ST6GALNAC3: variants seen among roughly 807,000 people sequenced by gnomAD.
ST6GALNAC3 encodes alpha-N-acetylgalactosaminide alpha-2,6-sialyltransferase 3.
ST6GALNAC3 carries 25 observed loss-of-function variants against 32.7 expected under a neutral mutation model. That is an observed-to-expected ratio of 0.76 (90% CI 0.56 to 1.07). The LOEUF (loss-of-function observed/expected upper bound fraction) is 1.07. Among genes scored for constraint, ST6GALNAC3 ranks in the 50% least tolerant of loss-of-function variants. The pLI is 0.00. For missense variants in ST6GALNAC3, 355 were observed against 382.4 expected (o/e 0.93, Z 0.60); for synonymous variants, 129 against 133.1 (o/e 0.97, Z 0.21).
intron 1 of ST6GALNAC3, among the ~76,000 whole-genome samples, chr1:76,284,943 G>T: frequency 6.6e-6 from 1 of 152,122 alleles, no homozygotes; most frequent in East Asian, 1.9e-4. Flanking sequence ...ATAGGGTGTG[G>T]ATAGGTGTTT....
chr1:76,475,865 A>G (rs546792653), intron 3 of ST6GALNAC3, among the ~76,000 whole-genome samples: 21 of 152,084 alleles, frequency 1.4e-4, no homozygotes, highest in African/African-American at 4.6e-4. Context: ...CCAGCCCCCG[A>G]CAGGCCCCGC....
intron 3 of ST6GALNAC3, among the ~76,000 whole-genome samples, chr1:76,459,593 A>G (rs1224615173): frequency 2.6e-5 from 4 of 151,838 alleles, no homozygotes; most frequent in African/African-American, 9.7e-5. Flanking sequence ...AGAATTGACT[A>G]TGGGCTGTTG....
intron 3 of ST6GALNAC3, among the ~76,000 whole-genome samples, chr1:76,553,539 T>G (rs1028474458): frequency 6.6e-6 from 1 of 152,214 alleles, no homozygotes; most frequent in Non-Finnish European, 1.5e-5. Flanking sequence ...AGCCCTTAAC[T>G]GCCCCGCATA....
intron 3 of ST6GALNAC3, among the ~76,000 whole-genome samples, chr1:76,449,072 C>T (rs1055158162): frequency 6.6e-6 from 1 of 152,156 alleles, no homozygotes; most frequent in African/African-American, 2.4e-5. Context: ...CTGCCTTCCT[C>T]AGCCACCCAA....
chr1:76,371,361 AG>A (rs1650796955), intron 2 of ST6GALNAC3, among the ~76,000 whole-genome samples: 1 of 152,184 alleles, frequency 6.6e-6, no homozygotes, highest in African/African-American at 2.4e-5. Flanking sequence ...CCTGAGTGAA[AG>A]GCTTCCCCAA....
intron 1 of ST6GALNAC3, among the ~76,000 whole-genome samples, chr1:76,205,200 T>G (rs1019542013): frequency 2.0e-5 from 3 of 152,250 alleles, no homozygotes; most frequent in Non-Finnish European, 2.9e-5. Flanking sequence ...CTTATGCAGT[T>G]ATTTTAAGAG....
chr1:76,444,821 A>G (rs977013860), intron 3 of ST6GALNAC3, among the ~76,000 whole-genome samples: 3 of 152,200 alleles, frequency 2.0e-5, no homozygotes, highest in Non-Finnish European at 4.4e-5. Flanking sequence ...AGACTGAGCC[A>G]GGACTCCCTT....
intron 3 of ST6GALNAC3, among the ~76,000 whole-genome samples, chr1:76,523,999 C>T (rs1203307141): frequency 6.6e-6 from 1 of 152,076 alleles, no homozygotes; most frequent in African/African-American, 2.4e-5. Context: ...GTCCAATAGC[C>T]TTCCTTTCCA....
At chr1:76,089,059 C>T (rs745708395) in intron 1 of ST6GALNAC3, among the ~76,000 whole-genome samples, 2 of 151,978 alleles carry the variant, frequency 1.3e-5, no homozygotes, top group Admixed American at 1.3e-4. Flanking sequence ...GGTGGAGTCT[C>T]GCTCTGTCAC....
intron 3 of ST6GALNAC3, among the ~76,000 whole-genome samples, chr1:76,544,478 A>G (rs58519923): frequency 0.015 from 2,234 of 152,284 alleles, 58 homozygotes; most frequent in African/African-American, 0.045. Context: ...TTTAAAACAT[A>G]TCTTGAAACT....
rs796135555 is a variant in ST6GALNAC3, at chr1:76,310,870, C to T, written c.19-2935C>T. ...CTTCTTGCTCTAGACTTACCTTCCA[C>T]CTGACTCCTTGACAGTTGCTGAAAA... On this transcript the variant is annotated intron_variant, in intron 1 of 4. Transcript: ENST00000328299. Among the ~76,000 whole-genome samples the T allele has an allele frequency of 2.0e-5, 3 of 152,136 alleles. No homozygotes were observed. The South Asian group carries it at 6.2e-4, about 32-fold the overall frequency.
chr1:76,494,649 GCACACACA>G lies in ST6GALNAC3; in HGVS notation c.623+82256_623+82263del, dbSNP rs35632611. ...ATAAAAATATATTTCATGTGTATGC[GCACACACA>G]CACACACACACACACACACACACTT... On this transcript the variant is annotated intron_variant, in intron 3 of 4. Coordinates refer to ENST00000328299, the MANE Select transcript of ST6GALNAC3 (RefSeq NM_152996.4). Among the ~76,000 whole-genome samples, 12 of 67,722 alleles carry G rather than the reference GCACACACA, an allele frequency of 1.8e-4. No individual in the cohort carries two copies. The East Asian group carries it at 3.5e-3, about 20-fold the overall frequency. 44.4% of individuals were successfully genotyped at this position (67,722 alleles called of 152,430 possible). A position where few individuals can be genotyped will look rare whatever the true frequency, so the allele number is the denominator to read the frequency against.
At chr1:76,282,893 G>T (rs974128112) in intron 1 of ST6GALNAC3, among the ~76,000 whole-genome samples, 24 of 147,328 alleles carry the variant, frequency 1.6e-4, no homozygotes, top group African/African-American at 5.4e-4. Flanking sequence ...TCAAAAATTA[G>T]TTGGGCCTGG....
intron 1 of ST6GALNAC3, among the ~76,000 whole-genome samples, chr1:76,208,171 G>C (rs1241962775): frequency 6.6e-6 from 1 of 152,204 alleles, no homozygotes; most frequent in East Asian, 1.9e-4. Context: ...TATGGCCTGG[G>C]CCTGCCCTCC....
chr1:76,255,457 ACT>A (rs1022177047), intron 1 of ST6GALNAC3, among the ~76,000 whole-genome samples: 1 of 151,690 alleles, frequency 6.6e-6, no homozygotes, highest in Admixed American at 6.6e-5. Flanking sequence ...AGTCAATTGA[ACT>A]CTCTCTGTCT....
intron 3 of ST6GALNAC3, among the ~76,000 whole-genome samples, chr1:76,487,326 A>C (rs1660189833): frequency 6.6e-6 from 1 of 152,144 alleles, no homozygotes; most frequent in Admixed American, 6.6e-5. Context: ...AGTGTTTTCC[A>C]ACTTGGTTCC....
intron 3 of ST6GALNAC3, among the ~76,000 whole-genome samples, chr1:76,528,523 C>G (rs1367680212): frequency 6.6e-6 from 1 of 152,114 alleles, no homozygotes; most frequent in Non-Finnish European, 1.5e-5. Flanking sequence ...TCTTTACTAA[C>G]CAGACGCATA....
rs1031580104 is a variant in ST6GALNAC3 at position 76,293,501 on chromosome 1, A to G, written c.19-20304A>G. ...ACTATACATGAGGAAACTGAGTCCC[A>G]AAGAGCCCATGGCCACATTACTGGT... On this transcript the variant is annotated intron_variant, in intron 1 of 4. Coordinates refer to ENST00000328299, the MANE Select transcript of ST6GALNAC3 (RefSeq NM_152996.4). Among the ~76,000 whole-genome samples the G allele has an allele frequency of 5.9e-5, 9 of 152,346 alleles. No individual in the cohort carries two copies. The East Asian group carries it at 1.7e-3, about 29-fold the overall frequency.
intron 3 of ST6GALNAC3, among the ~76,000 whole-genome samples, chr1:76,550,357 T>G (rs1050762241): frequency 2.0e-5 from 3 of 152,152 alleles, no homozygotes; most frequent in Non-Finnish European, 4.4e-5. Flanking sequence ...GGCTCTAATT[T>G]TATTTTATTT....
Sources: allele counts gnomAD v4.1 joint callset (sites outside exome capture counted in the v4.1 genomes callset), GRCh38; gene constraint gnomAD v4.1.1; transcripts MANE v1.5; gene names NCBI Gene and HGNC (gene_info 2026-07-23, HGNC 2026-07-21).